The following TRHDE variants were observed in gnomAD, a reference collection of about 807,000 sequenced individuals.
The protein encoded by TRHDE is thyrotropin-releasing hormone-degrading ectoenzyme.
A neutral mutation model predicts 125.7 loss-of-function variants in TRHDE; 72 were observed. The ratio of observed to expected loss-of-function variants is 0.57; its 90% confidence interval spans 0.47 to 0.70. The LOEUF is 0.70. TRHDE is among the 30% of genes least tolerant of loss of function. TRHDE has a pLI of 0.00. For synonymous variants in TRHDE, 509 were observed against 509.1 expected (o/e 1.00, Z 0.00); for missense variants, 1,110 against 1,327.1 (o/e 0.84, Z 2.54).
intron 2 of TRHDE, among the ~76,000 whole-genome samples, chr12:72,344,677 A>G (rs1370003859): frequency 6.6e-6 from 1 of 152,044 alleles, no homozygotes; most frequent in Non-Finnish European, 1.5e-5. Context: ...AGAAAATACA[A>G]TTAGAGAGAG....
intron 3 of TRHDE, among the ~76,000 whole-genome samples, chr12:72,451,584 G>T (rs1267352393): frequency 1.4e-5 from 2 of 142,586 alleles, no homozygotes; most frequent in African/African-American, 2.7e-5. Flanking sequence ...GTTTTTTGTT[G>T]TTGTTGTTGT....
chr12:72,597,520 T>G (rs1184620430), intron 12 of TRHDE, among the ~76,000 whole-genome samples: 2 of 151,070 alleles, frequency 1.3e-5, no homozygotes, highest in African/African-American at 4.9e-5. Flanking sequence ...ATATAAAAAT[T>G]AGCCAGGCGT....
chr12:72,343,807 G>T (rs1360170384), intron 2 of TRHDE, among the ~76,000 whole-genome samples: 2 of 152,052 alleles, frequency 1.3e-5, no homozygotes, highest in Non-Finnish European at 2.9e-5. Flanking sequence ...CTACTTCATT[G>T]GTTCTACAGT....
intron 2 of TRHDE, among the ~76,000 whole-genome samples, chr12:72,117,900 C>CTGA (rs1875485549): frequency 6.6e-6 from 1 of 150,558 alleles, no homozygotes; most frequent in African/African-American, 2.4e-5. Flanking sequence ...AGAAATGCTG[C>CTGA]TGACTTTAGT....
chr12:72,641,944 A>T (rs1874081865), intron 15 of TRHDE, among the ~76,000 whole-genome samples: 1 of 152,158 alleles, frequency 6.6e-6, no homozygotes, highest in Non-Finnish European at 1.5e-5. Flanking sequence ...GGTCTTTGGG[A>T]GCTAAATCAC....
chr12:72,388,313 A>G (rs1872511733), intron 3 of TRHDE, among the ~76,000 whole-genome samples: 1 of 152,078 alleles, frequency 6.6e-6, no homozygotes, highest in Admixed American at 6.6e-5. Context: ...TTTTTTAATT[A>G]TCTTACTTAA....
chr12:72,621,550 A>T (rs190976174), intron 14 of TRHDE, 94 bp from the exon 15 acceptor site: 14 of 953,702 alleles, frequency 1.5e-5, no homozygotes, highest in Non-Finnish European at 2.2e-5. Flanking sequence ...AGATCTAAAA[A>T]CCATTTTTAT....
intron 12 of TRHDE, among the ~76,000 whole-genome samples, chr12:72,595,496 T>C (rs1032174972): frequency 2.6e-5 from 4 of 152,082 alleles, no homozygotes; most frequent in Non-Finnish European, 5.9e-5. Flanking sequence ...AGTGACTAAT[T>C]TTAAAACTGA....
chr12:72,407,012 G>C (rs970659443), intron 3 of TRHDE, among the ~76,000 whole-genome samples: 1 of 152,114 alleles, frequency 6.6e-6, no homozygotes, highest in African/African-American at 2.4e-5. Flanking sequence ...AAGCTGTTCC[G>C]TGAGTCTTGT....
At chr12:72,350,389 G>C (rs1870528602) in intron 2 of TRHDE, among the ~76,000 whole-genome samples, 1 of 151,892 alleles carries the variant, frequency 6.6e-6, no homozygotes, top group Non-Finnish European at 1.5e-5. Flanking sequence ...AGCCATCTAC[G>C]TATTATATAT....
At chr12:72,129,946 C>A (rs1386790449) in intron 2 of TRHDE, among the ~76,000 whole-genome samples, 1 of 152,112 alleles carries the variant, frequency 6.6e-6, no homozygotes, top group African/African-American at 2.4e-5. Flanking sequence ...TTAAAAATTT[C>A]TATTAAGGGA....
In TRHDE at chr12:72,272,895, G is replaced by T; in HGVS notation, c.252G>T (p.Arg84=). The part of the protein sequence containing the change: ...TTERHIAVHK[R]LVLAFAVSLV... ...AGCGCCACATCGCCGTACACAAGCG[G>T]CTTGTGCTGGCCTTCGCTGTGTCCC... The change falls in exon 1 of 19, where the codon CGG becomes CGT. Residue 84 remains arginine (R), a synonymous_variant. Coordinates refer to ENST00000261180, the MANE Select transcript of TRHDE (RefSeq NM_013381.3). The surrounding 1 kb of genome is among the most constrained non-coding windows in gnomAD (Gnocchi z 6.7). The T allele has an allele frequency of 6.3e-7, 1 of 1,579,170 alleles. No homozygotes were observed. The highest frequency in any genetic ancestry group is 8.5e-7 in the Non-Finnish European group (1 of 1,170,666).
chr12:72,296,585 C>T (rs148708283), intron 2 of TRHDE, among the ~76,000 whole-genome samples: 2 of 152,156 alleles, frequency 1.3e-5, no homozygotes, highest in Non-Finnish European at 2.9e-5. Flanking sequence ...CGGTGGTCTG[C>T]AGCCATGTGG....
Position 72,273,656 on chromosome 12 carries a change from C to T in TRHDE, c.914+99C>T. On this transcript the variant is annotated intron_variant, in intron 1 of 18. Transcript: ENST00000261180. This position sits in a 1 kb window ranked among gnomAD's most constrained non-coding sequence, Gnocchi z 5.3. ...CGGGGACCCAGCTGGCTTCCAATAC[C>T]CGGGAAGCCAGGGGTGGGGGGAAGG... 3 of 1,204,570 alleles carry T rather than the reference C, an allele frequency of 2.5e-6. No individual in the cohort carries two copies. The highest frequency in any genetic ancestry group is 3.5e-6 in the Non-Finnish European group (3 of 863,894). 74.6% of individuals were successfully genotyped at this position (1,204,570 alleles called of 1,614,324 possible). A position where few individuals can be genotyped will look rare whatever the true frequency, so the allele number is the denominator to read the frequency against.
intron 2 of TRHDE, among the ~76,000 whole-genome samples, chr12:72,369,996 A>G (rs1430784401): frequency 1.3e-5 from 2 of 152,134 alleles, no homozygotes; most frequent in Non-Finnish European, 2.9e-5. Flanking sequence ...AACAACTGTG[A>G]TTTCTTTTCA....
intron 3 of TRHDE, among the ~76,000 whole-genome samples, chr12:72,393,308 A>C (rs1170434939): frequency 6.6e-6 from 1 of 152,164 alleles, no homozygotes; most frequent in African/African-American, 2.4e-5. Context: ...TATGTATCTA[A>C]TAATAATGCA....
intron 5 of TRHDE, among the ~76,000 whole-genome samples, chr12:72,473,464 T>C (rs1876745944): frequency 6.6e-6 from 1 of 152,082 alleles, no homozygotes; most frequent in South Asian, 2.1e-4. Context: ...AATTGTCCTT[T>C]AAAATAAAGA....
At chr12:72,431,642 G>T (rs1377335001) in intron 3 of TRHDE, 1 of 145,548 alleles carries the variant, frequency 6.9e-6, no homozygotes, top group South Asian at 2.2e-4. Context: ...GGAAGAAGAG[G>T]TTTTTTTTTT....
At chr12:72,417,607 T>A (rs1029658245) in intron 3 of TRHDE, among the ~76,000 whole-genome samples, 1 of 152,014 alleles carries the variant, frequency 6.6e-6, no homozygotes, top group Non-Finnish European at 1.5e-5. Context: ...GTAATGTTAT[T>A]TACTTTATGT....
Sources: allele counts gnomAD v4.1 joint callset (sites outside exome capture counted in the v4.1 genomes callset), GRCh38; gene constraint gnomAD v4.1.1; non-coding constraint Gnocchi (gnomAD v3.1); transcripts MANE v1.5; gene names NCBI Gene and HGNC (gene_info 2026-07-23, HGNC 2026-07-21).